The following ANKMY2 variants were observed in gnomAD, a reference collection of about 807,000 sequenced individuals.
ANKMY2 encodes ankyrin repeat and MYND domain containing 2.
Under a neutral mutation model 50.4 loss-of-function variants are expected in ANKMY2, and 36 were observed. That is an observed-to-expected ratio of 0.71 (90% CI 0.55 to 0.94). The LOEUF is 0.94. ANKMY2 is among the 40% of genes least tolerant of loss of function. ANKMY2 has a pLI of 0.00. For synonymous variants in ANKMY2, 187 were observed against 178.8 expected, an observed-to-expected ratio of 1.05 and a Z score of -0.36; for missense variants, 565 against 524.0, an observed-to-expected ratio of 1.08 and a Z score of -0.76.
chr7:16,634,702 G>A (rs1781632616), intron 2 of ANKMY2, among the ~76,000 whole-genome samples: 4 of 152,110 alleles, frequency 2.6e-5, no homozygotes, highest in Admixed American at 2.6e-4. Flanking sequence ...CCACCAGCCA[G>A]GCTTGAAAAC....
intron 5 of ANKMY2, among the ~76,000 whole-genome samples, chr7:16,615,363 T>A (rs934360819): frequency 6.6e-6 from 1 of 152,140 alleles, no homozygotes; most frequent in Non-Finnish European, 1.5e-5. Flanking sequence ...CCTCACTTGG[T>A]ACTATGTGGG....
chr7:16,626,609 C>T (rs1224500228), intron 3 of ANKMY2, among the ~76,000 whole-genome samples: 1 of 152,124 alleles, frequency 6.6e-6, no homozygotes, highest in East Asian at 1.9e-4. Flanking sequence ...ATAAACAATA[C>T]AAATCCGAGT....
intron 2 of ANKMY2, among the ~76,000 whole-genome samples, chr7:16,634,677 G>A (rs1377671588): frequency 6.6e-6 from 1 of 152,160 alleles, no homozygotes. Context: ...ACAGGGCCAG[G>A]AAGAGTGCCT....
chr7:16,642,310 C>G (rs901633531), intron 1 of ANKMY2, among the ~76,000 whole-genome samples: 6 of 152,140 alleles, frequency 3.9e-5, no homozygotes, highest in Non-Finnish European at 7.3e-5. Context: ...ATGGGTAACT[C>G]TACAAGTCAT....
chr7:16,632,600 T>C (rs1781604510), intron 2 of ANKMY2, among the ~76,000 whole-genome samples: 1 of 152,264 alleles, frequency 6.6e-6, no homozygotes, highest in Non-Finnish European at 1.5e-5. Flanking sequence ...TTCATCTTTG[T>C]AACTGAATAA....
intron 2 of ANKMY2, among the ~76,000 whole-genome samples, chr7:16,632,937 G>A (rs1781608875): frequency 6.6e-6 from 1 of 152,094 alleles, no homozygotes; most frequent in African/African-American, 2.4e-5. Context: ...TCTGATTATA[G>A]CTATCCTGGT....
At chr7:16,606,866 C>T (rs1400448202) in intron 7 of ANKMY2, among the ~76,000 whole-genome samples, 4 of 152,180 alleles carry the variant, frequency 2.6e-5, no homozygotes, top group East Asian at 3.9e-4. Flanking sequence ...GAAAGTGCTA[C>T]GAATTCTCTT....
Position 16,609,785 on chromosome 7 carries a change from G to C in ANKMY2, c.747-20C>G, listed in dbSNP as rs200808966. The C allele has an allele frequency of 3.0e-4, 481 of 1,606,754 alleles. 8 individuals carry two copies. The Middle Eastern group carries it at 4.1e-3, about 14-fold the overall frequency. On this transcript the variant is annotated intron_variant, in intron 6 of 9. Coordinates refer to ENST00000306999, the MANE Select transcript of ANKMY2 (RefSeq NM_020319.3). ...AACAAGCTGAAAGATATTTTTTAAA[G>C]CGTAATTGGAGTTGAATCACTAAGC... is the stretch of plus-strand genomic sequence containing the variant.
At chr7:16,608,479 C>T (rs531459790) in intron 7 of ANKMY2, among the ~76,000 whole-genome samples, 1 of 152,142 alleles carries the variant, frequency 6.6e-6, no homozygotes, top group South Asian at 2.1e-4. Flanking sequence ...TACAAAGGAG[C>T]ATCTGGAGCC....
rs552105122 is a variant in ANKMY2, at chr7:16,602,938, T to C, written c.1012-429A>G. Among the ~76,000 whole-genome samples the C allele has an allele frequency of 5.3e-5, 8 of 152,340 alleles. No individual in the cohort carries two copies. In the South Asian group the frequency reaches 1.7e-3, roughly 32 times the overall value. On this transcript the variant is annotated intron_variant, in intron 8 of 9. Coordinates refer to ENST00000306999, the MANE Select transcript of ANKMY2 (RefSeq NM_020319.3). ...GGCTTCCTGAGACCTCACCAGAAGCTGAGCAGATGCCCATGCCATGCTTCC... is the reference window on the plus strand; with the variant it reads ...GGCTTCCTGAGACCTCACCAGAAGCCGAGCAGATGCCCATGCCATGCTTCC...
At chr7:16,636,573 G>C (rs1490117691) in intron 1 of ANKMY2, 118 bp from the exon 2 acceptor site, 2 of 637,640 alleles carry the variant, frequency 3.1e-6, no homozygotes, top group Non-Finnish European at 5.1e-6. Flanking sequence ...AGTCAGTGTA[G>C]GTTGCTAAGA....
At chr7:16,609,561 C>A in intron 7 of ANKMY2, 69 bp downstream of exon 7, 2 of 1,454,922 alleles carry the variant, frequency 1.4e-6, no homozygotes, top group Non-Finnish European at 1.8e-6. Context: ...AGAGAACTTG[C>A]CTTTAACAAT....
At chr7:16,614,818 C>T (rs1781314643) in intron 5 of ANKMY2, among the ~76,000 whole-genome samples, 1 of 152,176 alleles carries the variant, frequency 6.6e-6, no homozygotes, top group Non-Finnish European at 1.5e-5. Context: ...ACTTAAACAG[C>T]TCTGAACTAC....
chr7:16,632,671 G>T (rs1421018426), intron 2 of ANKMY2, among the ~76,000 whole-genome samples: 1 of 152,208 alleles, frequency 6.6e-6, no homozygotes, highest in East Asian at 1.9e-4. Flanking sequence ...CATTTGGGTT[G>T]TATCTACCTT....
chr7:16,605,321 T>G (rs1285688831), intron 7 of ANKMY2, among the ~76,000 whole-genome samples: 1 of 152,190 alleles, frequency 6.6e-6, no homozygotes, highest in Middle Eastern at 3.2e-3. Context: ...TTAAACTCAT[T>G]TACTTGATGT....
chr7:16,611,784 T>A (rs1781257598), intron 5 of ANKMY2, among the ~76,000 whole-genome samples: 2 of 152,234 alleles, frequency 1.3e-5, no homozygotes, highest in Non-Finnish European at 2.9e-5. Flanking sequence ...CTAACTGGTT[T>A]TCTACACTGT....
At chr7:16,614,041 G>C (rs531208414) in intron 5 of ANKMY2, among the ~76,000 whole-genome samples, 1 of 152,114 alleles carries the variant, frequency 6.6e-6, no homozygotes, top group South Asian at 2.1e-4. Context: ...GTCTAAGCCA[G>C]AATATCCTGT....
chr7:16,623,306 T>A (rs1398790958), intron 4 of ANKMY2, among the ~76,000 whole-genome samples: 1 of 152,120 alleles, frequency 6.6e-6, no homozygotes, highest in Non-Finnish European at 1.5e-5. Context: ...TATATTAAAA[T>A]GGAATGAAAA....
rs1482959899 is a variant in ANKMY2 at position 16,602,386 on chromosome 7, C to T, written c.1135G>A (p.Glu379Lys). Residue 379 changes from glutamate to lysine, a missense_variant, in exon 9 of 10, where the codon GAA becomes AAA. Glu to Lys is a moderately conservative substitution (Grantham distance 56). Transcript: ENST00000306999. ...TCGGTTTTTATATACATACGGTTTT[C>T]CTCTTGTCTCTTTTCTTTGGCAGCC... ...LEAAKEKRQE[E>K]NHGKLDVNSN... 1.2e-6 allele frequency: 2 copies of T among 1,612,320 alleles called. No individual in the cohort carries two copies. Among genetic ancestry groups the T allele is most frequent in the Non-Finnish European group, 1.7e-6 (2 of 1,179,682 alleles).
Sources: allele counts gnomAD v4.1 joint callset (sites outside exome capture counted in the v4.1 genomes callset), GRCh38; gene constraint gnomAD v4.1.1; transcripts MANE v1.5; gene names NCBI Gene and HGNC (gene_info 2026-07-23, HGNC 2026-07-21).